NFATC1: variants seen among roughly 807,000 people sequenced by gnomAD.
NFATC1 encodes the protein nuclear factor of activated T cells 1.
In NFATC1, 22 loss-of-function variants were observed where a neutral mutation model predicts 76.0. The observed-to-expected ratio is 0.29, with a 90% CI of 0.21 to 0.41. The LOEUF (loss-of-function observed/expected upper bound fraction) is 0.41. Ranked by LOEUF, NFATC1 falls within the 10% of genes least tolerant of loss-of-function variation. The probability of loss-of-function intolerance (pLI) is 1.00; values close to 1 mark genes in which losing one functional copy is unlikely to be tolerated. For missense variants in NFATC1, 1,357 were observed against 1,337.7 expected, an observed-to-expected ratio of 1.01 and a Z score of -0.23; for synonymous variants, 704 against 613.1, an observed-to-expected ratio of 1.15 and a Z score of -2.19.
chr18:79,528,063 C>T lies in NFATC1; in HGVS notation c.*486C>T, dbSNP rs1063674. On this transcript the variant is annotated 3_prime_UTR_variant, in exon 10 of 10. Coordinates refer to ENST00000427363, the MANE Select transcript of NFATC1 (RefSeq NM_001278669.2). ...TTACCCTCTGTATGAATGAAGAGAA[C>T]GCTGGAAGGCTGCGAGAGGACTCTA... 1,808 of 403,622 alleles carry T rather than the reference C, an allele frequency of 4.5e-3. 31 individuals carry two copies. The highest frequency in any genetic ancestry group is 0.033 in the African/African-American group (1,594 of 48,944). 25.0% of individuals were successfully genotyped at this position (403,622 alleles called of 1,614,324 possible).
intron 9 of NFATC1, among the ~76,000 whole-genome samples, chr18:79,492,424 G>A (rs1167716670): frequency 3.3e-5 from 5 of 152,094 alleles, no homozygotes; most frequent in African/African-American, 4.8e-5. Context: ...TTAGCTGGGC[G>A]TGGGGCTGGG....
chr18:79,451,228 T>A, intron 5 of NFATC1, 102 bp downstream of exon 5: 1 of 1,383,338 alleles, frequency 7.2e-7, no homozygotes, highest in Non-Finnish European at 9.9e-7. Context: ...GACTTGGGAC[T>A]GAACGGTTCC....
At chr18:79,400,994 C>G (rs901104828) in intron 1 of NFATC1, among the ~76,000 whole-genome samples, 31 of 116,564 alleles carry the variant, frequency 2.7e-4, no homozygotes, top group African/African-American at 1.0e-3. Flanking sequence ...GCAGACCCCC[C>G]CAAGCCTCCA....
chr18:79,473,952 G>A (rs2088905065), intron 8 of NFATC1, among the ~76,000 whole-genome samples: 1 of 149,564 alleles, frequency 6.7e-6, no homozygotes, highest in Admixed American at 6.6e-5. Flanking sequence ...GTAAACCTGA[G>A]GGAAGCGTGT....
intron 9 of NFATC1, among the ~76,000 whole-genome samples, chr18:79,502,852 C>T (rs2090042966): frequency 6.6e-6 from 1 of 152,184 alleles, no homozygotes; most frequent in Non-Finnish European, 1.5e-5. Flanking sequence ...AGAAATTGGG[C>T]CCCTGAAGCC....
chr18:79,447,306 CTCGCT>C (rs1424533693), intron 3 of NFATC1, among the ~76,000 whole-genome samples: 4 of 152,254 alleles, frequency 2.6e-5, no homozygotes, highest in African/African-American at 9.6e-5. Context: ...TCTCCCTCGC[CTCGCT>C]GGCCCTGAGT....
At chr18:79,513,839 C>T (rs774637075) in intron 9 of NFATC1, among the ~76,000 whole-genome samples, 2 of 152,324 alleles carry the variant, frequency 1.3e-5, no homozygotes, top group East Asian at 1.9e-4. Context: ...CCTGAGGGTA[C>T]ACTGGCTGTG....
intron 9 of NFATC1, among the ~76,000 whole-genome samples, chr18:79,492,803 G>C (rs563271698): frequency 2.9e-4 from 44 of 150,494 alleles, no homozygotes; most frequent in African/African-American, 7.3e-4. Flanking sequence ...GAACCTGGGA[G>C]ATGGAGGTTG....
At chr18:79,432,026 G>T (rs899429349) in intron 2 of NFATC1, among the ~76,000 whole-genome samples, 2 of 152,178 alleles carry the variant, frequency 1.3e-5, no homozygotes, top group Non-Finnish European at 2.9e-5. Context: ...AGTCACTTTG[G>T]GTTCACAGTG....
intron 9 of NFATC1, among the ~76,000 whole-genome samples, chr18:79,502,347 G>T (rs1189898706): frequency 1.3e-5 from 2 of 152,240 alleles, no homozygotes; most frequent in Admixed American, 1.3e-4. Flanking sequence ...TCTTGGACTA[G>T]TAGGAGCCAA....
At chr18:79,475,274 G>T (rs1365423162) in intron 8 of NFATC1, among the ~76,000 whole-genome samples, 1 of 151,120 alleles carries the variant, frequency 6.6e-6, no homozygotes, top group Non-Finnish European at 1.5e-5. Context: ...CCTGAGGGAA[G>T]CGTGTTCTCA....
chr18:79,471,778 G>A (rs965959669), intron 8 of NFATC1, among the ~76,000 whole-genome samples: 1 of 152,246 alleles, frequency 6.6e-6, no homozygotes, highest in Admixed American at 6.5e-5. Context: ...GACATCCAGG[G>A]TGTGAAGGTG....
intron 3 of NFATC1, among the ~76,000 whole-genome samples, chr18:79,443,439 C>G (rs2087064019): frequency 6.6e-6 from 1 of 152,250 alleles, no homozygotes; most frequent in African/African-American, 2.4e-5. Context: ...CACCCAGGGC[C>G]TCTCGTGCAG....
At chr18:79,494,979 GC>G (rs1234775723) in intron 9 of NFATC1, among the ~76,000 whole-genome samples, 1 of 152,124 alleles carries the variant, frequency 6.6e-6, no homozygotes, top group Non-Finnish European at 1.5e-5. Context: ...GCGGGCACAC[GC>G]CCCCCATCAA....
chr18:79,412,014 G>T (rs1353675088), intron 2 of NFATC1, among the ~76,000 whole-genome samples: 1 of 152,248 alleles, frequency 6.6e-6, no homozygotes, highest in Non-Finnish European at 1.5e-5. Context: ...TGGGACCGCA[G>T]CTCAACAGTG....
chr18:79,412,902 A>G (rs531431280), intron 2 of NFATC1, among the ~76,000 whole-genome samples: 3 of 152,170 alleles, frequency 2.0e-5, no homozygotes, highest in African/African-American at 7.2e-5. Context: ...TTTTTAATAC[A>G]TTAAGGTTTA....
intron 9 of NFATC1, among the ~76,000 whole-genome samples, chr18:79,516,259 G>A (rs1030586625): frequency 2.4e-4 from 37 of 152,288 alleles, no homozygotes; most frequent in Middle Eastern, 3.4e-3. Context: ...CCGTCCCTCC[G>A]TTGTCCCGTC....
chr18:79,410,240 G>T lies in NFATC1; in HGVS notation c.128-163G>T. 1 of 1,181,954 alleles carries T rather than the reference G, an allele frequency of 8.5e-7. No individual in the cohort carries two copies. 73.2% of individuals were successfully genotyped at this position (1,181,954 alleles called of 1,614,324 possible). A position where few individuals can be genotyped will look rare whatever the true frequency, so the allele number is the denominator to read the frequency against. ...GGGACTGGGGCTGTCACTCCAAGTCGCCCGGAGCTGTCCGGCAGCGTGGTC... is the reference window on the plus strand; with the variant it reads ...GGGACTGGGGCTGTCACTCCAAGTCTCCCGGAGCTGTCCGGCAGCGTGGTC... On this transcript the variant is annotated intron_variant, in intron 1 of 9. Coordinates refer to ENST00000427363, the MANE Select transcript of NFATC1 (RefSeq NM_001278669.2). This position sits in a 1 kb window ranked among gnomAD's most constrained non-coding sequence, Gnocchi z 6.7.
intron 2 of NFATC1, among the ~76,000 whole-genome samples, chr18:79,418,338 C>T (rs1441064367): frequency 6.6e-6 from 1 of 152,204 alleles, no homozygotes; most frequent in Non-Finnish European, 1.5e-5. Context: ...CTAGTCACAA[C>T]CAACAGAACT....
Sources: allele counts gnomAD v4.1 joint callset (sites outside exome capture counted in the v4.1 genomes callset), GRCh38; gene constraint gnomAD v4.1.1; non-coding constraint Gnocchi (gnomAD v3.1); transcripts MANE v1.5; gene names NCBI Gene and HGNC (gene_info 2026-07-23, HGNC 2026-07-21).